EIF5A: variants seen among roughly 807,000 people sequenced by gnomAD.
The protein encoded by EIF5A is eukaryotic translation initiation factor 5A.
Under a neutral mutation model 16.6 loss-of-function variants are expected in EIF5A, and 1 was observed. The observed-to-expected ratio is 0.06, with a 90% CI of 0.02 to 0.28. The LOEUF is 0.28. Ranked by LOEUF, EIF5A falls within the 10% of genes least tolerant of loss-of-function variation. The pLI is 1.00. For missense variants in EIF5A, 29 were observed against 196.1 expected (o/e 0.15, Z 5.09); for synonymous variants, 80 against 73.6 (o/e 1.09, Z -0.44).
In EIF5A at chr17:7,307,657, C is replaced by G. The variant is rs2072663995; in HGVS notation, c.-117C>G. On this transcript the variant is annotated 5_prime_UTR_variant, in exon 1 of 6. Transcript: ENST00000336458. Reference sequence around the variant, plus strand: ...TAAGACCCGTGTGCAGCAGCGGCGGCGGCGGTAGAGGCGGCGGCGGCGGCG... The same window carrying G: ...TAAGACCCGTGTGCAGCAGCGGCGGGGGCGGTAGAGGCGGCGGCGGCGGCG... 1 of 1,049,308 alleles carries G rather than the reference C, an allele frequency of 9.5e-7. No individual in the cohort carries two copies. The highest frequency in any genetic ancestry group is 1.1e-6 in the Non-Finnish European group (1 of 872,068). 65.0% of individuals were successfully genotyped at this position (1,049,308 alleles called of 1,614,324 possible). A position where few individuals can be genotyped will look rare whatever the true frequency, so the allele number is the denominator to read the frequency against.
chr17:7,308,091 CCGGCTCAGCG>C, intron 1 of EIF5A: 5 of 993,222 alleles, frequency 5.0e-6, no homozygotes, highest in Non-Finnish European at 6.0e-6. Context: ...CGTTGAGGAC[CCGGCTCAGCG>C]CGGCCACGTG....
rs1389559930 is a variant in EIF5A, at chr17:7,312,141, GA to G, written c.*333del. 8.1e-6 allele frequency: 1 copy of G among 123,812 alleles called. No homozygotes were observed. The highest frequency in any genetic ancestry group is 3.1e-5 in the African/African-American group (1 of 32,100). 7.7% of individuals were successfully genotyped at this position (123,812 alleles called of 1,614,324 possible). ...TTTTTTTTTTTTTTAATTCAATCTG[GA>G]ATCAGAAAGCGGTGGATTCTGGCAA... is the stretch of plus-strand genomic sequence containing the variant. On this transcript the variant is annotated 3_prime_UTR_variant, in exon 6 of 6. Coordinates refer to ENST00000336458, the MANE Select transcript of EIF5A (RefSeq NM_001970.5).
upstream of EIF5A, chr17:7,307,038 C>T: frequency 6.3e-7 from 1 of 1,590,608 alleles, no homozygotes; most frequent in Non-Finnish European, 8.6e-7. Context: ...GGAAAGACAT[C>T]TCCCGCGCAT....
At chr17:7,308,209 C>T (rs898817503) in intron 1 of EIF5A, 1 of 1,029,376 alleles carries the variant, frequency 9.7e-7, no homozygotes, top group Non-Finnish European at 1.2e-6. Context: ...CTGGCGCAGT[C>T]TCTGAGGAGG....
rs1465941474 is a variant in EIF5A, at chr17:7,312,310, G to C, written c.*500G>C. The stretch of plus-strand genomic sequence containing the variant: ...CCCCAAACCCCTTTAGATGGGGAGG[G>C]AAGAGGAGGAGAGGGGAGGGGACCT... On this transcript the variant is annotated 3_prime_UTR_variant, in exon 6 of 6. Coordinates refer to ENST00000336458, the MANE Select transcript of EIF5A (RefSeq NM_001970.5). The C allele has an allele frequency of 2.6e-5, 5 of 193,110 alleles. No homozygotes were observed. Among genetic ancestry groups the C allele is most frequent in the Non-Finnish European group, 6.0e-5 (5 of 83,148 alleles). The allele number at this position is 193,110 out of a possible 1,614,324, so 12.0% of individuals were successfully genotyped here.
At chr17:7,309,845 A>G (rs1430364531) in intron 2 of EIF5A, 45 bp downstream of exon 2, 2 of 1,613,976 alleles carry the variant, frequency 1.2e-6, no homozygotes. Context: ...TGCCTCCAGT[A>G]TCTTTGGCGC....
Position 7,311,842 on chromosome 17 carries a change from T to C in EIF5A, c.*32T>C. The C allele has an allele frequency of 1.2e-6, 1 of 805,212 alleles. No individual in the cohort carries two copies. Among genetic ancestry groups the C allele is most frequent in the Non-Finnish European group, 2.0e-6 (1 of 500,984 alleles). The allele number at this position is 805,212 out of a possible 1,614,324, so 49.9% of individuals were successfully genotyped here. A position where few individuals can be genotyped will look rare whatever the true frequency, so the allele number is the denominator to read the frequency against. On this transcript the variant is annotated 3_prime_UTR_variant, in exon 6 of 6. Coordinates refer to ENST00000336458, the MANE Select transcript of EIF5A (RefSeq NM_001970.5). ...CCTAGGGTGGCGGTGGTGGCAGCAG[T>C]GATCCTCTGAACCTGCAGAGGCCCC... is the stretch of plus-strand genomic sequence containing the variant.
Position 7,310,187 on chromosome 17 carries a change from A to T in EIF5A, c.165+387A>T, listed in dbSNP as rs1429283047. 3 of 1,292,804 alleles carry T rather than the reference A, an allele frequency of 2.3e-6. No homozygotes were observed. In the Admixed American group the frequency reaches 6.9e-5, roughly 30 times the overall value. 80.1% of individuals were successfully genotyped at this position (1,292,804 alleles called of 1,614,324 possible). A position where few individuals can be genotyped will look rare whatever the true frequency, so the allele number is the denominator to read the frequency against. On this transcript the variant is annotated intron_variant, in intron 2 of 5. Transcript: ENST00000336458. ...CATCACGTTGCCCAGGGTTTCTCCAATTCTACGCCTTCCCCTGGAGGGACT... is the reference window on the plus strand; with the variant it reads ...CATCACGTTGCCCAGGGTTTCTCCATTTCTACGCCTTCCCCTGGAGGGACT...
intron 1 of EIF5A, 195 bp downstream of exon 1, chr17:7,307,947 C>T: frequency 1.0e-6 from 1 of 984,426 alleles, no homozygotes. Context: ...TTGGGGTTGG[C>T]CCGGTGACGT....
rs1222605180 is a variant in EIF5A at position 7,308,458 on chromosome 17, C to T, written c.-22+706C>T. On this transcript the variant is annotated intron_variant, in intron 1 of 5. Transcript: ENST00000336458. ...GATTTTGAGGAGTGGAAGCCGGAGG[C>T]TCGGGTCCTAATCACCCCGGAGGGC... 3.7e-6 allele frequency: 5 copies of T among 1,341,184 alleles called. No individual in the cohort carries two copies. The South Asian group carries it at 4.6e-5, about 12-fold the overall frequency. 83.1% of individuals were successfully genotyped at this position (1,341,184 alleles called of 1,614,324 possible).
intron 1 of EIF5A, chr17:7,308,471 CA>C (rs1262338608): frequency 7.4e-7 from 1 of 1,346,174 alleles, no homozygotes; most frequent in Admixed American, 1.9e-5. Context: ...GGGTCCTAAT[CA>C]CCCCGGAGGG....
At chr17:7,307,238 G>C (rs534702432), upstream of EIF5A, 4 of 1,256,766 alleles carry the variant, frequency 3.2e-6, no homozygotes, top group African/African-American at 6.0e-5. Flanking sequence ...CGGCGTCTGA[G>C]GTGGAAGGGG....
Position 7,311,735 on chromosome 17 carries a change from A to G in EIF5A, c.*11+84A>G, listed in dbSNP as rs555820669. The G allele has an allele frequency of 7.4e-5, 114 of 1,550,914 alleles. 1 individual carries two copies. In the Middle Eastern group the frequency reaches 2.0e-3, roughly 27 times the overall value. ...CTGTAGTCTTAATTGTTTCAGGCTT[A>G]CTTTCTGCCCCTAGCCTGGCTCTGT... On this transcript the variant is annotated intron_variant, in intron 5 of 5. Transcript: ENST00000336458.
intron 1 of EIF5A, chr17:7,308,546 C>T (rs372611468): frequency 3.2e-5 from 43 of 1,351,526 alleles, no homozygotes; most frequent in Admixed American, 5.7e-5. Context: ...CCTGAAAAAC[C>T]CTCCTGTGAA....
rs746306373 is a variant in EIF5A, at chr17:7,312,388, C to T, written c.*578C>T. On this transcript the variant is annotated 3_prime_UTR_variant, in exon 6 of 6. Coordinates refer to ENST00000336458, the MANE Select transcript of EIF5A (RefSeq NM_001970.5). ...CCTGCCCCCATGGGCTTTACCCTTC[C>T]CTGCGGGCTCTCTCCCCGACACATT... 2.0e-4 allele frequency: 46 copies of T among 232,388 alleles called. No homozygotes were observed. Among genetic ancestry groups the T allele is most frequent in the Non-Finnish European group, 3.1e-4 (33 of 106,700 alleles). 14.4% of individuals were successfully genotyped at this position (232,388 alleles called of 1,614,324 possible). A position where few individuals can be genotyped will look rare whatever the true frequency, so the allele number is the denominator to read the frequency against.
intron 2 of EIF5A, 100 bp downstream of exon 2, chr17:7,309,900 G>C (rs754422046): frequency 2.5e-6 from 4 of 1,610,864 alleles, no homozygotes; most frequent in African/African-American, 2.7e-5. Flanking sequence ...CTTTAACTCT[G>C]CTTTTACTGT....
At chr17:7,307,831 G>C (rs1026509653) in intron 1 of EIF5A, 79 bp downstream of exon 1, 5 of 984,442 alleles carry the variant, frequency 5.1e-6, no homozygotes, top group Non-Finnish European at 4.8e-6. Flanking sequence ...GGGTCGGGGA[G>C]GGGGCAGAGG....
intron 2 of EIF5A, chr17:7,310,406 C>T (rs917249473): frequency 3.0e-5 from 35 of 1,184,588 alleles, no homozygotes; most frequent in East Asian, 5.9e-5. Context: ...CAGACTTTTC[C>T]TGTCTCTTTA....
At chr17:7,311,553 T>C (rs2143009659) in intron 4 of EIF5A, 25 bp from the exon 5 acceptor site, 1 of 1,614,200 alleles carries the variant, frequency 6.2e-7, no homozygotes, top group Non-Finnish European at 8.5e-7. Flanking sequence ...CAGACATCTC[T>C]TGGCTATCCC....
Sources: gnomAD v4.1 joint callset for allele counts on GRCh38, gnomAD v4.1.1 for gene constraint, MANE v1.5 for transcripts, NCBI Gene and HGNC (gene_info 2026-07-23, HGNC 2026-07-21) for gene names.